TMIGD3: variants seen among roughly 807,000 people sequenced by gnomAD.
The protein encoded by TMIGD3 is AD026 protein (AD026).
A neutral mutation model predicts 28.1 loss-of-function variants in TMIGD3; 21 were observed. The ratio of observed to expected loss-of-function variants is 0.75; its 90% CI spans 0.53 to 1.08. TMIGD3 has a LOEUF of 1.08. Ranked by LOEUF, TMIGD3 falls within the 50% of genes least tolerant of loss-of-function variation. The pLI is 0.00. For missense variants in TMIGD3, 416 were observed against 435.6 expected (o/e 0.96, Z 0.40); for synonymous variants, 151 against 162.1 (o/e 0.93, Z 0.52).
rs139269988 is a variant in TMIGD3, at chr1:111,519,738, G to C, written c.108-28976C>G. Among the ~76,000 whole-genome samples, 43 of 151,226 alleles carry C rather than the reference G, an allele frequency of 2.8e-4. No homozygotes were observed. In the East Asian group the frequency reaches 7.4e-3, roughly 26 times the overall value. On this transcript the variant is annotated intron_variant, in intron 1 of 5. Coordinates refer to the TMIGD3 transcript ENST00000369717. ...GAGATGGAGTCTCACTGTCACCCAG[G>C]TTGGAGTGCAGTGGCATGATCTCGG...
intron 1 of TMIGD3, among the ~76,000 whole-genome samples, chr1:111,562,617 AC>A (rs1259934401): frequency 6.6e-6 from 1 of 152,222 alleles, no homozygotes; most frequent in Admixed American, 6.5e-5. Context: ...ACATTTCAGG[AC>A]TAAAATTGCC....
At chr1:111,518,165 C>T (rs1655927163) in intron 1 of TMIGD3, among the ~76,000 whole-genome samples, 1 of 152,170 alleles carries the variant, frequency 6.6e-6, no homozygotes, top group Non-Finnish European at 1.5e-5. Context: ...TTGTGGCTCC[C>T]ACTGTTAGGG....
At chr1:111,489,045 A>G (rs772259077) in intron 2 of TMIGD3, 21 bp from the exon 3 acceptor site, 6 of 1,553,470 alleles carry the variant, frequency 3.9e-6, no homozygotes, top group Non-Finnish European at 5.3e-6. Context: ...ACACACACAC[A>G]CGCACACGTG....
At chr1:111,556,316 C>T (rs1162477138) in intron 1 of TMIGD3, among the ~76,000 whole-genome samples, 1 of 152,146 alleles carries the variant, frequency 6.6e-6, no homozygotes, top group Non-Finnish European at 1.5e-5. Flanking sequence ...TTATTGTGCA[C>T]TGCTGATGTC....
At chr1:111,536,807 C>T (rs1256872258) in intron 1 of TMIGD3, among the ~76,000 whole-genome samples, 1 of 151,942 alleles carries the variant, frequency 6.6e-6, no homozygotes, top group Non-Finnish European at 1.5e-5. Context: ...GTGTGGTTGT[C>T]CCTTCCTTTC....
intron 3 of TMIGD3, among the ~76,000 whole-genome samples, chr1:111,488,298 C>T (rs1244526692): frequency 1.3e-5 from 2 of 152,066 alleles, no homozygotes. Flanking sequence ...TCTCGGCTCA[C>T]TGCAACCTCT....
chr1:111,500,550 C>T (rs1195337742), intron 1 of TMIGD3: 2 of 1,613,656 alleles, frequency 1.2e-6, no homozygotes, highest in Non-Finnish European at 1.7e-6. Context: ...TGGTGACCCT[C>T]TTGTATCTGT....
At chr1:111,545,330 T>C (rs1656997241) in intron 1 of TMIGD3, among the ~76,000 whole-genome samples, 1 of 152,102 alleles carries the variant, frequency 6.6e-6, no homozygotes, top group South Asian at 2.1e-4. Context: ...GGATGTGAAG[T>C]GGTATCTCAT....
At chr1:111,524,658 C>T (rs1176542717) in intron 1 of TMIGD3, among the ~76,000 whole-genome samples, 2 of 152,138 alleles carry the variant, frequency 1.3e-5, no homozygotes, top group Admixed American at 6.6e-5. Context: ...TTCACTCTGT[C>T]GCCCAGGCTG....
upstream of TMIGD3, among the ~76,000 whole-genome samples, chr1:111,506,203 T>A (rs56116115): frequency 6.6e-6 from 1 of 152,170 alleles, no homozygotes; most frequent in Admixed American, 6.5e-5. Context: ...GGACCACCAC[T>A]TTCCATTTCT....
chr1:111,490,125 C>A (rs926691181), intron 2 of TMIGD3, among the ~76,000 whole-genome samples: 1 of 152,130 alleles, frequency 6.6e-6, no homozygotes, highest in Non-Finnish European at 1.5e-5. Context: ...AACTGAAGGT[C>A]AGACAGAGCT....
At chr1:111,558,645 A>C (rs983744266) in intron 1 of TMIGD3, among the ~76,000 whole-genome samples, 12 of 147,138 alleles carry the variant, frequency 8.2e-5, no homozygotes, top group African/African-American at 3.3e-4. Context: ...ATCAGACAAA[A>C]ATTTTGCTAA....
chr1:111,485,741 CCTT>C lies in TMIGD3; in HGVS notation c.969_971del (p.Arg324del). 1 of 1,579,802 alleles carries C rather than the reference CCTT, an allele frequency of 6.3e-7. No individual in the cohort carries two copies. Among genetic ancestry groups the C allele is most frequent in the Non-Finnish European group, 8.7e-7 (1 of 1,153,534 alleles). On this transcript the variant is annotated inframe_deletion and splice_region_variant, in exon 5 of 6. Coordinates refer to ENST00000369716, the MANE Select transcript of TMIGD3 (RefSeq NM_020683.7). Reference sequence around the variant, plus strand: ...CCTCCCTCAACAATAGCTACTTACCCCTTCTATTCCTTTGACTTCTCCTCCTTT... The same window carrying C: ...CCTCCCTCAACAATAGCTACTTACCCCTATTCCTTTGACTTCTCCTCCTTT...
At chr1:111,487,225 G>A (rs1654422595) in intron 3 of TMIGD3, among the ~76,000 whole-genome samples, 1 of 152,210 alleles carries the variant, frequency 6.6e-6, no homozygotes, top group Non-Finnish European at 1.5e-5. Context: ...TCTCTTGTCT[G>A]AGCCTAAGAT....
upstream of TMIGD3, among the ~76,000 whole-genome samples, chr1:111,505,381 C>T (rs1557826888): frequency 6.6e-6 from 1 of 152,156 alleles, no homozygotes; most frequent in Non-Finnish European, 1.5e-5. Context: ...TTAGGGTCAC[C>T]AGCCCAGCCA....
At position 111,503,028 on chromosome 1, in the gene TMIGD3, G is replaced by A. The variant is rs1655328403; in HGVS notation, c.327C>T (p.Tyr109=). 2 of 1,614,192 alleles carry A rather than the reference G, an allele frequency of 1.2e-6. No homozygotes were observed. The highest frequency in any genetic ancestry group is 2.2e-5 in the East Asian group (1 of 44,888). Residue 109 remains tyrosine (Y), a synonymous_variant, in exon 1 of 6, where the codon TAC becomes TAT. Transcript: ENST00000369716. ...MSLLAIAVDR[Y]LRVKLTVRFR... ...ACCTGACGGTAAGCTTGACCCGCAA[G>A]TATCGGTCCACAGCGATGGCCAGCA...
At chr1:111,506,898 A>AAC (rs1655509693), upstream of TMIGD3, among the ~76,000 whole-genome samples, 4 of 104,884 alleles carry the variant, frequency 3.8e-5, no homozygotes, top group Admixed American at 3.6e-4. Context: ...AAAACAAAAA[A>AAC]TATATATATA....
intron 1 of TMIGD3, among the ~76,000 whole-genome samples, chr1:111,527,141 G>C (rs551401530): frequency 6.0e-5 from 9 of 150,278 alleles, no homozygotes; most frequent in African/African-American, 1.9e-4. Context: ...CTTCCAAGTA[G>C]CTGGGACTAC....
intron 1 of TMIGD3, among the ~76,000 whole-genome samples, chr1:111,495,261 A>G (rs1006262942): frequency 6.6e-6 from 1 of 152,258 alleles, no homozygotes; most frequent in African/African-American, 2.4e-5. Flanking sequence ...GAACTTAAAC[A>G]AATTTACAAG....
Sources: allele counts gnomAD v4.1 joint callset (sites outside exome capture counted in the v4.1 genomes callset), GRCh38; gene constraint gnomAD v4.1.1; transcripts MANE v1.5; gene names NCBI Gene and HGNC (gene_info 2026-07-23, HGNC 2026-07-21).